The following TMEM145 variants were observed in gnomAD, a reference collection of about 807,000 sequenced individuals.
TMEM145 encodes transmembrane protein 145.
TMEM145 carries 46 observed loss-of-function variants against 68.5 expected under a neutral mutation model. That is an observed-to-expected ratio of 0.67 (90% CI 0.53 to 0.86). TMEM145 has a LOEUF of 0.86. TMEM145 is among the 40% of genes least tolerant of loss of function. The pLI, the probability that TMEM145 is intolerant of heterozygous loss-of-function variation, is 0.00. For missense variants in TMEM145, 570 were observed against 645.8 expected, an observed-to-expected ratio of 0.88 and a Z score of 1.27; for synonymous variants, 255 against 280.2, an observed-to-expected ratio of 0.91 and a Z score of 0.90.
intron 6 of TMEM145, 23 bp downstream of exon 6, chr19:42,315,100 A>G: frequency 1.2e-6 from 2 of 1,614,042 alleles, no homozygotes; most frequent in South Asian, 1.1e-5. Context: ...GGACCTAGAA[A>G]CCAGGCTCTC....
chr19:42,324,021 G>T (rs994599675), intron 14 of TMEM145, among the ~76,000 whole-genome samples: 2 of 151,530 alleles, frequency 1.3e-5, no homozygotes, highest in African/African-American at 4.9e-5. Context: ...TCCCTGCGCC[G>T]TGCCCCCACC....
At position 42,317,680 on chromosome 19, in the gene TMEM145, C is replaced by G. The variant is rs1178616604; in HGVS notation, c.901-29C>G. The G allele has an allele frequency of 3.1e-6, 5 of 1,612,366 alleles. No homozygotes were observed. In the African/African-American group the frequency reaches 6.7e-5, roughly 22 times the overall value. The stretch of plus-strand genomic sequence containing the variant: ...CCCTAATAGAGGGGAGGAGGCCAGG[C>G]TGTGATGGACCCTCTCCTGCGGGTC... On this transcript the variant is annotated intron_variant, in intron 11 of 14. Coordinates refer to ENST00000301204, the MANE Select transcript of TMEM145 (RefSeq NM_173633.3).
At chr19:42,314,073 A>G (rs1302534347) in intron 1 of TMEM145, among the ~76,000 whole-genome samples, 199 bp from the exon 2 acceptor site, 1 of 151,848 alleles carries the variant, frequency 6.6e-6, no homozygotes, top group Admixed American at 6.6e-5. Context: ...TTGGGGGGGC[A>G]ATGGAGGGAG....
At chr19:42,317,640 G>C in intron 11 of TMEM145, 69 bp from the exon 12 acceptor site, 1 of 1,537,204 alleles carries the variant, frequency 6.5e-7, no homozygotes, top group Admixed American at 1.8e-5. Context: ...AGTGCCCAGG[G>C]GTGGGGTCCG....
chr19:42,324,955 C>G lies in TMEM145; in HGVS notation c.*138C>G. The G allele has an allele frequency of 7.9e-7, 1 of 1,260,758 alleles. No individual in the cohort carries two copies. The highest frequency in any genetic ancestry group is 2.6e-5 in the South Asian group (1 of 38,228). The allele number at this position is 1,260,758 out of a possible 1,614,324, so 78.1% of individuals were successfully genotyped here. A position where few individuals can be genotyped will look rare whatever the true frequency, so the allele number is the denominator to read the frequency against. ...TCCCTCGGATCTGTGACCTCGGACC[C>G]GTACTCCATCTGCCGCATCTCCATT... is the stretch of plus-strand genomic sequence containing the variant. On this transcript the variant is annotated 3_prime_UTR_variant, in exon 15 of 15. Transcript: ENST00000301204.
intron 12 of TMEM145, 83 bp downstream of exon 12, chr19:42,317,964 A>C (rs938400195): frequency 6.9e-7 from 1 of 1,454,856 alleles, no homozygotes; most frequent in Non-Finnish European, 9.5e-7. Context: ...CAGACCCTCC[A>C]TAGTGAGGGA....
rs770486276 is a variant in TMEM145 at position 42,316,862 on chromosome 19, G to C, written c.807-8G>C. 1.9e-6 allele frequency: 3 copies of C among 1,612,916 alleles called. No homozygotes were observed. The Admixed American group carries it at 5.0e-5, about 27-fold the overall frequency. ...ACCCTGCTGTCTCCCCTCATGGCCT[G>C]CTGCCAGGGGCCGCATCAGCCACGC... On this transcript the variant is annotated splice_region_variant and splice_polypyrimidine_tract_variant and intron_variant, in intron 10 of 14. Coordinates refer to ENST00000301204, the MANE Select transcript of TMEM145 (RefSeq NM_173633.3).
In TMEM145 at chr19:42,314,977, T is replaced by A; in HGVS notation, c.421-16T>A. 1 of 1,613,964 alleles carries A rather than the reference T, an allele frequency of 6.2e-7. No individual in the cohort carries two copies. Among genetic ancestry groups the A allele is most frequent in the Non-Finnish European group, 8.5e-7 (1 of 1,179,898 alleles). On this transcript the variant is annotated splice_polypyrimidine_tract_variant and intron_variant, in intron 5 of 14. Coordinates refer to ENST00000301204, the MANE Select transcript of TMEM145 (RefSeq NM_173633.3). Reference sequence around the variant, plus strand: ...ACTTGCCCAGGGCCCCCCTTAGGCCTCCCTACCCCCCACAGGGTGATGGAT... The same window carrying A: ...ACTTGCCCAGGGCCCCCCTTAGGCCACCCTACCCCCCACAGGGTGATGGAT...
Position 42,320,382 on chromosome 19 carries a change from A to C in TMEM145, c.1139A>C (p.Lys380Thr). 6.2e-7 allele frequency: 1 copy of C among 1,614,144 alleles called. No individual in the cohort carries two copies. The highest frequency in any genetic ancestry group is 2.2e-5 in the East Asian group (1 of 44,884). The part of the protein sequence containing the change: ...NFGIPKWARE[K>T]IVNGIQLGIH... Reference sequence around the variant, plus strand: ...GGCATCCCCAAGTGGGCCCGGGAGAAGATTGTCAATGGCATCCAGCTGGGG... The same window carrying C: ...GGCATCCCCAAGTGGGCCCGGGAGACGATTGTCAATGGCATCCAGCTGGGG... Residue 380 changes from lysine (K) to threonine (T), a missense_variant, in exon 13 of 15, where the codon AAG (lysine) becomes ACG (threonine). Lys to Thr is a moderately conservative substitution (Grantham distance 78, BLOSUM62 -1). Transcript: ENST00000301204.
intron 11 of TMEM145, 72 bp downstream of exon 11, chr19:42,317,035 T>C (rs936474625): frequency 9.9e-6 from 13 of 1,313,484 alleles, no homozygotes; most frequent in Non-Finnish European, 1.4e-5. Flanking sequence ...TTGACCTGTC[T>C]GCTCGCCCTT....
intron 12 of TMEM145, among the ~76,000 whole-genome samples, chr19:42,319,202 G>A (rs539016566): frequency 6.6e-5 from 10 of 152,260 alleles, no homozygotes; most frequent in African/African-American, 2.2e-4. Context: ...CAGACTGTCC[G>A]GGTTCAGATC....
chr19:42,325,017 T>C lies in TMEM145; in HGVS notation c.*200T>C. On this transcript the variant is annotated 3_prime_UTR_variant, in exon 15 of 15. Transcript: ENST00000301204. ...CCCTCGGGTCCCTGGCAGAAAGACA[T>C]TTTACCCCTTCTTGCCAAAATAAAA... 1.2e-6 allele frequency: 1 copy of C among 801,764 alleles called. No homozygotes were observed. The allele number at this position is 801,764 out of a possible 1,614,324, so 49.7% of individuals were successfully genotyped here.
chr19:42,324,550 A>G (rs2038950750), intron 14 of TMEM145, 187 bp from the exon 15 acceptor site: 4 of 981,448 alleles, frequency 4.1e-6, no homozygotes, highest in Non-Finnish European at 4.8e-6. Flanking sequence ...CCCCTGCCCC[A>G]TGGGCCATGA....
Position 42,315,078 on chromosome 19 carries a change from G to A in TMEM145, c.505+1G>A. 6.2e-7 allele frequency: 1 copy of A among 1,614,160 alleles called. No homozygotes were observed. The highest frequency in any genetic ancestry group is 8.5e-7 in the Non-Finnish European group (1 of 1,180,028). Reference sequence around the variant, plus strand: ...CGACACTTCTCCGCTGATGAGTTTGGTGAGCACGTGGGGACCTAGAAACCA... The same window carrying A: ...CGACACTTCTCCGCTGATGAGTTTGATGAGCACGTGGGGACCTAGAAACCA... On this transcript the variant is annotated splice_donor_variant, in intron 6 of 14. Transcript: ENST00000301204. LOFTEE classifies it high-confidence loss of function.
At chr19:42,324,532 C>A in intron 14 of TMEM145, 1 of 985,314 alleles carries the variant, frequency 1.0e-6, no homozygotes, top group Non-Finnish European at 1.2e-6. Context: ...TCTGAGCACC[C>A]CTGCCCGCCC....
intron 14 of TMEM145, chr19:42,324,372 C>A (rs375268286): frequency 1.8e-5 from 18 of 985,036 alleles, no homozygotes; most frequent in Admixed American, 6.2e-5. Context: ...GCCTCCCCCC[C>A]ACTTCCCGCT....
chr19:42,323,609 C>G lies in TMEM145; in HGVS notation c.1221C>G (p.Asn407Lys). The G allele has an allele frequency of 6.2e-7, 1 of 1,614,174 alleles. No homozygotes were observed. Among genetic ancestry groups the G allele is most frequent in the Non-Finnish European group, 8.5e-7 (1 of 1,180,030 alleles). ...FLIMTRPSAA[N>K]KNFPYHVRTS... ...TCATGACCCGCCCATCAGCGGCCAA[C>G]AAGAACTTCCCGTACCACGTGCGCA... is the stretch of plus-strand genomic sequence containing the variant. Residue 407 changes from asparagine to lysine, a missense_variant, in exon 14 of 15, where the codon AAC becomes AAG. Coordinates refer to ENST00000301204, the MANE Select transcript of TMEM145 (RefSeq NM_173633.3).
chr19:42,323,897 T>C (rs1599992211), intron 14 of TMEM145, 108 bp downstream of exon 14: 2 of 943,202 alleles, frequency 2.1e-6, no homozygotes, highest in East Asian at 2.7e-5. Flanking sequence ...CCCTGAGCCC[T>C]CCTCCTGCCT....
intron 14 of TMEM145, chr19:42,324,137 C>A: frequency 3.3e-6 from 2 of 615,208 alleles, no homozygotes; most frequent in Non-Finnish European, 4.1e-6. Context: ...CCAGGCGCCC[C>A]GCCACCCAGT....
Sources: gnomAD v4.1 joint callset for allele counts (sites outside exome capture counted in the v4.1 genomes callset) on GRCh38, gnomAD v4.1.1 for gene constraint, MANE v1.5 for transcripts, NCBI Gene and HGNC (gene_info 2026-07-23, HGNC 2026-07-21) for gene names.